Variants in TCP1 observed in about 807,000 individuals in gnomAD.
TCP1 encodes the protein t-complex 1.
TCP1 carries 6 observed loss-of-function variants against 54.7 expected under a neutral mutation model. The ratio of observed to expected loss-of-function variants is 0.11; its 90% CI spans 0.06 to 0.22. The LOEUF (loss-of-function observed/expected upper bound fraction) is 0.22, where lower values mean the gene tolerates loss of function less well. Among genes scored for constraint, TCP1 ranks in the 10% least tolerant of loss-of-function variants. The probability of loss-of-function intolerance (pLI) is 1.00; values close to 1 mark genes in which losing one functional copy is unlikely to be tolerated. For missense variants in TCP1, 511 were observed against 678.2 expected, an observed-to-expected ratio of 0.75 and a Z score of 2.74; for synonymous variants, 225 against 229.7, an observed-to-expected ratio of 0.98 and a Z score of 0.19.
chr6:159,789,061 G>A, intron 1 of TCP1: 1 of 321,090 alleles, frequency 3.1e-6, no homozygotes, highest in Non-Finnish European at 5.8e-6. Flanking sequence ...CACTCAGGGG[G>A]TCGCCCTGAA....
At chr6:159,779,847 C>T in intron 10 of TCP1, 48 bp downstream of exon 10, 1 of 1,595,780 alleles carries the variant, frequency 6.3e-7, no homozygotes, top group Non-Finnish European at 8.5e-7. Context: ...AATTGAAGTC[C>T]ACAGCTACTG....
intron 3 of TCP1, among the ~76,000 whole-genome samples, chr6:159,786,982 G>A (rs1780712498): frequency 6.6e-6 from 1 of 150,690 alleles, no homozygotes; most frequent in East Asian, 1.9e-4. Flanking sequence ...TGCAGCTCAT[G>A]CGTGTAATCC....
intron 8 of TCP1, 79 bp from the exon 9 acceptor site, chr6:159,780,645 G>A (rs3818300): frequency 0.79 from 1,213,389 of 1,532,714 alleles, 482,086 homozygotes; most frequent in Admixed American, 0.86. Context: ...AGCATTTGTG[G>A]TAAAAGTGCT....
intron 1 of TCP1, chr6:159,789,175 T>C (rs939571263): frequency 1.9e-6 from 1 of 519,950 alleles, no homozygotes; most frequent in Non-Finnish European, 3.4e-6. Flanking sequence ...CATCCACGCG[T>C]TGCCGGTCTC....
rs766305392 is a variant in TCP1 at position 159,778,831 on chromosome 6, T to C, written c.*214A>G. ...GCAATGTGTGTTCAGAGAGAATGAA[T>C]TGCTTAAACTTTGAACAACCTCAAT... On this transcript the variant is annotated 3_prime_UTR_variant, in exon 12 of 12. Transcript: ENST00000321394. 12 of 1,613,966 alleles carry C rather than the reference T, an allele frequency of 7.4e-6. No homozygotes were observed. Among genetic ancestry groups the C allele is most frequent in the African/African-American group, 4.0e-5 (3 of 74,926 alleles).
rs1780795567 is a variant in TCP1 at position 159,789,415 on chromosome 6, G to A, written c.54C>T (p.Arg18=). 3.7e-6 allele frequency: 6 copies of A among 1,613,812 alleles called. 1 individual carries two copies. In the Middle Eastern group the frequency reaches 6.6e-4, roughly 178 times the overall value. The part of the protein sequence containing the change: ...FGDRSTGETI[R]SQNVMAAASI... ...CCGGCCCGCCCTTACCGTTTTGGGA[G>A]CGGATCGTTTCCCCAGTGCTGCGGT... is the stretch of plus-strand genomic sequence containing the variant. Residue 18 remains arginine (R), a synonymous_variant, in exon 1 of 12, where the codon CGC becomes CGT. Transcript: ENST00000321394.
At chr6:159,784,445 C>T (rs775055015) in intron 6 of TCP1, among the ~76,000 whole-genome samples, 1 of 152,044 alleles carries the variant, frequency 6.6e-6, no homozygotes, top group Non-Finnish European at 1.5e-5. Flanking sequence ...GCTGGGACTA[C>T]AGGCAGGTGC....
rs1388630888 is a variant in TCP1, at chr6:159,780,888, T to C, written c.973+47A>G. The stretch of plus-strand genomic sequence containing the variant: ...CAATGTAAAAAGACCTTTGATAGGA[T>C]CAGGGATAATAAAAGTATTTTATGT... On this transcript the variant is annotated intron_variant, in intron 8 of 11. Coordinates refer to ENST00000321394, the MANE Select transcript of TCP1 (RefSeq NM_030752.3). The C allele has an allele frequency of 4.5e-6, 7 of 1,543,956 alleles. No homozygotes were observed. In the African/African-American group the frequency reaches 6.9e-5, roughly 15 times the overall value.
intron 3 of TCP1, 57 bp from the exon 4 acceptor site, chr6:159,786,054 A>G: frequency 7.3e-7 from 1 of 1,374,178 alleles, no homozygotes; most frequent in South Asian, 1.2e-5. Flanking sequence ...TGTGCAATAC[A>G]TATGGAATGA....
In TCP1 at chr6:159,778,854, A is replaced by C. The variant is rs1403299829; in HGVS notation, c.*191T>G. ...AATTGCTTAAACTTTGAACAACCTC[A>C]ATTTCTTTTTAAACTAATAAAGTAC... is the stretch of plus-strand genomic sequence containing the variant. On this transcript the variant is annotated 3_prime_UTR_variant, in exon 12 of 12. Transcript: ENST00000321394. 1.2e-6 allele frequency: 2 copies of C among 1,613,606 alleles called. No individual in the cohort carries two copies. Among genetic ancestry groups the C allele is most frequent in the Non-Finnish European group, 1.7e-6 (2 of 1,179,664 alleles).
At chr6:159,782,902 G>A (rs1250236647) in intron 7 of TCP1, among the ~76,000 whole-genome samples, 1 of 152,194 alleles carries the variant, frequency 6.6e-6, no homozygotes, top group African/African-American at 2.4e-5. Context: ...GGTTGCTAAA[G>A]GTCAAGTAAG....
chr6:159,787,288 G>T (rs1185540501), intron 3 of TCP1, among the ~76,000 whole-genome samples: 1 of 151,970 alleles, frequency 6.6e-6, no homozygotes, highest in East Asian at 1.9e-4. Flanking sequence ...CCCCAGATTG[G>T]TAACATTTTA....
chr6:159,789,157 G>A (rs973808181), intron 1 of TCP1: 42 of 489,178 alleles, frequency 8.6e-5, no homozygotes, highest in African/African-American at 7.1e-4. Context: ...ACGCCGCCCC[G>A]GACACCACAT....
In TCP1 at chr6:159,785,404, G is replaced by A. The variant is rs762355551; in HGVS notation, c.470C>T (p.Ser157Phe). 1.9e-6 allele frequency: 3 copies of A among 1,612,092 alleles called. No individual in the cohort carries two copies. The highest frequency in any genetic ancestry group is 3.3e-5 in the Admixed American group (2 of 60,024). ...AGGATACATTCCAATGATTTTGGAA[G>A]ACATGGATGTCTTAGCAGCATTAAT... ...CLINAAKTSM[S>F]SKIIGINGDF... The change falls in exon 5 of 12, where the codon TCT becomes TTT. Residue 157 changes from serine to phenylalanine, a missense_variant. Ser to Phe is a radical substitution (Grantham distance 155, BLOSUM62 -2). Transcript: ENST00000321394.
chr6:159,780,007 T>G lies in TCP1; in HGVS notation c.1178A>C (p.His393Pro). 1 of 1,614,124 alleles carries G rather than the reference T, an allele frequency of 6.2e-7. No individual in the cohort carries two copies. The highest frequency in any genetic ancestry group is 8.5e-7 in the Non-Finnish European group (1 of 1,180,012). ...FMCDEMERSL[H>P]DALCVVKRVL... ...TCTCTTCACTACACAAAGTGCATCA[T>G]GTAAAGAGCGCTCCATCTCATCACA... is the stretch of plus-strand genomic sequence containing the variant. The change falls in exon 10 of 12, where the codon CAT (histidine) becomes CCT (proline). Residue 393 changes from histidine (H) to proline (P), a missense_variant. By Grantham distance (77) the His-to-Pro change is moderately conservative. This residue lies in a region of TCP1 where 305 missense variants were observed against 352.8 expected (regional missense o/e 0.86). Coordinates refer to ENST00000321394, the MANE Select transcript of TCP1 (RefSeq NM_030752.3).
intron 7 of TCP1, among the ~76,000 whole-genome samples, chr6:159,781,939 G>A (rs1422661669): frequency 2.0e-5 from 3 of 152,204 alleles, no homozygotes; most frequent in African/African-American, 7.2e-5. Flanking sequence ...AGGATTCCCT[G>A]ATTATCAATG....
rs1442273122 is a variant in TCP1, at chr6:159,785,620, G to C, written c.378-124C>G. 3.5e-6 allele frequency: 3 copies of C among 863,632 alleles called. No homozygotes were observed. The South Asian group carries it at 4.0e-5, about 11-fold the overall frequency. 53.5% of individuals were successfully genotyped at this position (863,632 alleles called of 1,614,324 possible). ...AATATCCGTTCAGCCATTTCATATA[G>C]GAGGAGGACATGAAAAAACCCTCCC... is the stretch of plus-strand genomic sequence containing the variant. On this transcript the variant is annotated intron_variant, in intron 4 of 11. Coordinates refer to ENST00000321394, the MANE Select transcript of TCP1 (RefSeq NM_030752.3).
At chr6:159,780,803 T>C (rs1780558406) in intron 8 of TCP1, 132 bp downstream of exon 8, 1 of 1,272,116 alleles carries the variant, frequency 7.9e-7, no homozygotes, top group South Asian at 1.6e-5. Context: ...TATAAATGTG[T>C]TGGTAGCACA....
chr6:159,782,592 TTTC>T (rs1399517304), intron 7 of TCP1, among the ~76,000 whole-genome samples: 2 of 152,168 alleles, frequency 1.3e-5, no homozygotes, highest in South Asian at 2.1e-4. Flanking sequence ...ATTTCCTAGT[TTTC>T]TGCCTGTGTG....
Sources: allele counts gnomAD v4.1 joint callset (sites outside exome capture counted in the v4.1 genomes callset), GRCh38; gene constraint gnomAD v4.1.1; regional missense constraint gnomAD v4.1.1; transcripts MANE v1.5; gene names NCBI Gene and HGNC (gene_info 2026-07-23, HGNC 2026-07-21).